Variants in PTPRB observed in about 807,000 individuals in gnomAD.
The protein encoded by PTPRB is receptor-type tyrosine-protein phosphatase beta.
In PTPRB, 97 loss-of-function variants were observed where a neutral mutation model predicts 238.1. That is an observed-to-expected ratio of 0.41 (90% CI 0.35 to 0.48). PTPRB has a LOEUF of 0.48. Among genes scored for constraint, PTPRB ranks in the 20% least tolerant of loss-of-function variants. The pLI, the probability that PTPRB is intolerant of heterozygous loss-of-function variation, is 0.30. For synonymous variants in PTPRB, 970 were observed against 995.4 expected (o/e 0.97, Z 0.48); for missense variants, 2,292 against 2,681.9 (o/e 0.85, Z 3.21).
intron 21 of PTPRB, among the ~76,000 whole-genome samples, chr12:70,546,019 C>T (rs1346278014): frequency 2.0e-5 from 3 of 151,976 alleles, no homozygotes; most frequent in Non-Finnish European, 4.4e-5. Context: ...CACCTGTAAT[C>T]CTGGCTACTT....
intron 31 of PTPRB, among the ~76,000 whole-genome samples, chr12:70,533,573 G>A (rs914346572): frequency 6.6e-6 from 1 of 152,204 alleles, no homozygotes; most frequent in African/African-American, 2.4e-5. Flanking sequence ...AAAATTAGGT[G>A]CTACAGGTGG....
chr12:70,522,863 CTT>C (rs35913444), intron 33 of PTPRB, among the ~76,000 whole-genome samples: 131 of 118,232 alleles, frequency 1.1e-3, no homozygotes, highest in Non-Finnish European at 1.8e-3. Context: ...TTTGTTTTTT[CTT>C]TTTTTTTTTT....
intron 3 of PTPRB, chr12:70,609,669 A>G: frequency 7.3e-7 from 1 of 1,375,904 alleles, no homozygotes; most frequent in Non-Finnish European, 1.0e-6. Flanking sequence ...CCCTCTTCAA[A>G]GCACAACCCG....
In PTPRB at chr12:70,571,199, T is replaced by C; in HGVS notation, c.3197A>G (p.Gln1066Arg). ...ATTGAAGAGCAGCTGGATCTCATAT[T>C]GGTCGACATCCCCATTAGCTCCTGA... ...TWSGANGDVD[Q>R]YEIQLLFNDM... The change falls in exon 13 of 34, where the codon CAA (glutamine) becomes CGA (arginine). Residue 1066 changes from glutamine to arginine, a missense_variant. Around this residue, in one of 4 missense-constraint regions of PTPRB, gnomAD observed 1,205 missense variants for 1,287.8 expected, o/e 0.94. Transcript: ENST00000334414. 6.2e-7 allele frequency: 1 copy of C among 1,613,996 alleles called. No homozygotes were observed. The highest frequency in any genetic ancestry group is 8.5e-7 in the Non-Finnish European group (1 of 1,179,884).
At chr12:70,583,667 C>A (rs1332912435) in intron 9 of PTPRB, among the ~76,000 whole-genome samples, 1 of 152,068 alleles carries the variant, frequency 6.6e-6, no homozygotes, top group African/African-American at 2.4e-5. Context: ...GAACTCATAA[C>A]CTTAAGATAG....
intron 4 of PTPRB, among the ~76,000 whole-genome samples, chr12:70,597,682 G>A (rs1883151135): frequency 1.3e-5 from 2 of 152,092 alleles, no homozygotes; most frequent in Non-Finnish European, 1.5e-5. Context: ...CTACTTCCTG[G>A]TAGACTATAT....
intron 2 of PTPRB, among the ~76,000 whole-genome samples, chr12:70,622,903 C>T (rs1296192360): frequency 6.6e-6 from 1 of 150,846 alleles, no homozygotes; most frequent in African/African-American, 2.5e-5. Context: ...AAAGAAAAAC[C>T]CAGCGCTGTG....
chr12:70,569,722 G>A lies in PTPRB; in HGVS notation c.3587C>T (p.Ser1196Leu). The change falls in exon 14 of 34, where the codon TCA becomes TTA. Residue 1196 changes from serine to leucine, a missense_variant. Ser to Leu is a moderately radical substitution (Grantham distance 145, BLOSUM62 -2). Around this residue, in one of 4 missense-constraint regions of PTPRB, gnomAD observed 683 missense variants for 862.0 expected, o/e 0.79. Transcript: ENST00000334414. Reference sequence around the variant, plus strand: ...CTGATTCTTCAGGGACCCGCTGACTGAGGCAATCATGATCTGGTACTGCTC... The same window carrying A: ...CTGATTCTTCAGGGACCCGCTGACTAAGGCAATCATGATCTGGTACTGCTC... Reference protein sequence around the residue: ...AGEQYQIMIASVSGSLKNQIN... With the variant: ...AGEQYQIMIALVSGSLKNQIN... The A allele has an allele frequency of 6.2e-7, 1 of 1,613,886 alleles. No individual in the cohort carries two copies. Among genetic ancestry groups the A allele is most frequent in the Non-Finnish European group, 8.5e-7 (1 of 1,179,876 alleles).
chr12:70,590,360 T>C, intron 7 of PTPRB, 127 bp from the exon 8 acceptor site: 5 of 940,340 alleles, frequency 5.3e-6, no homozygotes, highest in South Asian at 2.2e-5. Context: ...CTATCCCCTC[T>C]TGATGTCTGT....
Position 70,590,012 on chromosome 12 carries a change from C to T in PTPRB, c.2002G>A (p.Val668Ile), listed in dbSNP as rs766612022. Residue 668 changes from valine to isoleucine, a missense_variant, in exon 8 of 34, where the codon GTT (valine) becomes ATT (isoleucine). Around this residue, in one of 4 missense-constraint regions of PTPRB, gnomAD observed 1,205 missense variants for 1,287.8 expected, o/e 0.94. Coordinates refer to ENST00000334414, the MANE Select transcript of PTPRB (RefSeq NM_001109754.4). ...GAATTCTTCAAATTTCCACTCTCAACAATGACTTCCACCTCATACTGTCTT... is the reference window on the plus strand; with the variant it reads ...GAATTCTTCAAATTTCCACTCTCAATAATGACTTCCACCTCATACTGTCTT... ...PGRQYEVEVI[V>I]ESGNLKNSER... 6.2e-7 allele frequency: 1 copy of T among 1,614,000 alleles called. No homozygotes were observed. The highest frequency in any genetic ancestry group is 2.2e-5 in the East Asian group (1 of 44,888).
At position 70,596,276 on chromosome 12, in the gene PTPRB, G is replaced by A. The variant is rs113107056; in HGVS notation, c.1031C>T (p.Thr344Ile). The change falls in exon 5 of 34, where the codon ACC becomes ATC. Residue 344 changes from threonine (T) to isoleucine (I), a missense_variant. Thr to Ile is a moderately conservative substitution (Grantham distance 89). Around this residue, in one of 4 missense-constraint regions of PTPRB, gnomAD observed 1,205 missense variants for 1,287.8 expected, o/e 0.94. Transcript: ENST00000334414. ...AGGAGTCCACCAAACATGCAAGCTGGTTGAAGTCGTCTTCTCTTTACTGAC... is the reference window on the plus strand; with the variant it reads ...AGGAGTCCACCAAACATGCAAGCTGATTGAAGTCGTCTTCTCTTTACTGAC... ...FGVSKEKTTS[T>I]SLHVWWTPSS... 1.9e-6 allele frequency: 3 copies of A among 1,610,398 alleles called. No homozygotes were observed. The highest frequency in any genetic ancestry group is 8.5e-7 in the Non-Finnish European group (1 of 1,178,714).
rs186920899 is a variant in PTPRB, at chr12:70,599,909, A to G, written c.980-3582T>C. ...TGCTTGGGTCCAGGTATTGGAGGCT[A>G]TAGTGCATCATAATAGTGCCTGTGA... On this transcript the variant is annotated intron_variant, in intron 4 of 33. Transcript: ENST00000334414. 5.2e-3 allele frequency among the ~76,000 whole-genome samples: 781 copies of G among 149,266 alleles called. 10 individuals are homozygous for G. Among genetic ancestry groups the G allele is most frequent in the African/African-American group, 0.019 (745 of 39,152 alleles).
rs1190959524 is a variant in PTPRB, at chr12:70,543,118, A to G, written c.5494+1439T>C. On this transcript the variant is annotated intron_variant, in intron 22 of 33. Coordinates refer to ENST00000334414, the MANE Select transcript of PTPRB (RefSeq NM_001109754.4). ...TTTTAATTTTGATTAAATCCAGAGT[A>G]TCCATTTTTTCTTTTGTAGCTTATG... The G allele has an allele frequency of 3.3e-5, 5 of 152,094 alleles. 1 individual carries two copies. Among genetic ancestry groups the G allele is most frequent in the Admixed American group, 2.6e-4 (4 of 15,278 alleles). The allele number at this position is 152,094 out of a possible 1,614,324, so 9.4% of individuals were successfully genotyped here. A position where few individuals can be genotyped will look rare whatever the true frequency, so the allele number is the denominator to read the frequency against.
rs565876556 is a variant in PTPRB at position 70,604,891 on chromosome 12, C to T, written c.979+4178G>A. Among the ~76,000 whole-genome samples the T allele has an allele frequency of 9.2e-4, 140 of 152,246 alleles. 1 individual carries two copies. The highest frequency in any genetic ancestry group is 3.2e-3 in the African/African-American group (131 of 41,540). ...AAGAAACTAAACCTGCAGACACCTT[C>T]GCCTTGGACTTCTAGCCTCCAGGAT... On this transcript the variant is annotated intron_variant, in intron 4 of 33. Coordinates refer to ENST00000334414, the MANE Select transcript of PTPRB (RefSeq NM_001109754.4).
chr12:70,535,243 T>G (rs868600308), intron 29 of PTPRB, among the ~76,000 whole-genome samples: 5,484 of 149,454 alleles, frequency 0.037, 405 homozygotes, highest in African/African-American at 0.13. Flanking sequence ...TTTTTTTTTT[T>G]TTTTTTTCCC....
At position 70,589,968 on chromosome 12, in the gene PTPRB, C is replaced by A. The variant is rs375614424; in HGVS notation, c.2046G>T (p.Arg682Ser). The A allele has an allele frequency of 2.9e-5, 47 of 1,613,202 alleles. No homozygotes were observed. The highest frequency in any genetic ancestry group is 4.0e-5 in the Non-Finnish European group (47 of 1,179,700). ...AACATCTTCATATTTGCCTACCTGT[C>A]CTGCCTTGGCAACGCTCAGAATTCT... ...NLKNSERCQGRTVPLAVLQLR... is the reference protein window; with the variant it reads ...NLKNSERCQGSTVPLAVLQLR... Residue 682 changes from arginine (R) to serine (S), a missense_variant, in exon 8 of 34, where the codon AGG becomes AGT. By Grantham distance (110) the Arg-to-Ser change is moderately radical. This residue lies in a region of PTPRB where 1,205 missense variants were observed against 1,287.8 expected (regional missense o/e 0.94). Transcript: ENST00000334414.
chr12:70,556,203 T>TTTCAGCTCC, intron 18 of PTPRB, 55 bp from the exon 19 acceptor site: 1 of 1,494,192 alleles, frequency 6.7e-7, no homozygotes, highest in Non-Finnish European at 9.1e-7. Flanking sequence ...ATTTTTTTTT[T>TTTCAGCTCC]TCAGCTCCTT....
intron 7 of PTPRB, among the ~76,000 whole-genome samples, chr12:70,590,909 C>G (rs1236946835): frequency 6.8e-6 from 1 of 147,790 alleles, no homozygotes; most frequent in South Asian, 2.2e-4. Flanking sequence ...TTTTTTAGGT[C>G]CTTATTAAAG....
rs758863859 is a variant in PTPRB, at chr12:70,572,105, A to C, written c.2843-18T>G. On this transcript the variant is annotated intron_variant, in intron 11 of 33. Coordinates refer to ENST00000334414, the MANE Select transcript of PTPRB (RefSeq NM_001109754.4). ...GTCAGGCACTGAAAAGGAAACAGAG[A>C]GTAACTAAATATTTATGAATTCTGA... is the stretch of plus-strand genomic sequence containing the variant. The C allele has an allele frequency of 1.9e-6, 3 of 1,588,096 alleles. No individual in the cohort carries two copies. Among genetic ancestry groups the C allele is most frequent in the South Asian group, 2.3e-5 (2 of 87,404 alleles).
Sources: gnomAD v4.1 joint callset for allele counts (sites outside exome capture counted in the v4.1 genomes callset) on GRCh38, gnomAD v4.1.1 for gene constraint, gnomAD v4.1.1 regional missense constraint, MANE v1.5 for transcripts, NCBI Gene and HGNC (gene_info 2026-07-23, HGNC 2026-07-21) for gene names.